Variants in SASH1 observed in about 807,000 individuals in gnomAD.
The protein encoded by SASH1 is SAM and SH3 domain containing 1, also known as SAM and SH3 domain-containing protein 1.
Under a neutral mutation model 125.2 loss-of-function variants are expected in SASH1, and 44 were observed. The observed-to-expected ratio is 0.35, with a 90% CI of 0.28 to 0.45. The LOEUF is 0.45. Ranked by LOEUF, SASH1 falls within the 20% of genes least tolerant of loss-of-function variation. SASH1 has a pLI of 1.00. For synonymous variants in SASH1, 639 were observed against 649.1 expected, an observed-to-expected ratio of 0.98 and a Z score of 0.24; for missense variants, 1,426 against 1,614.5, an observed-to-expected ratio of 0.88 and a Z score of 2.00.
the SASH1 span, among the ~76,000 whole-genome samples, chr6:148,260,654 C>A: frequency 6.6e-6 from 1 of 150,396 alleles, no homozygotes; most frequent in Non-Finnish European, 1.5e-5. Context: ...TAAATTATCA[C>A]GTAAATAATC....
the SASH1 span, among the ~76,000 whole-genome samples, chr6:148,261,657 C>T: frequency 1.3e-5 from 2 of 152,264 alleles, no homozygotes; most frequent in South Asian, 2.1e-4. Flanking sequence ...GCCACCAGCC[C>T]ATATCTTTGG....
chr6:148,531,712 CAT>C, intron 13 of SASH1, 51 bp downstream of exon 13: 1 of 1,407,064 alleles, frequency 7.1e-7, no homozygotes, highest in Non-Finnish European at 9.4e-7. Flanking sequence ...TAATATCTGA[CAT>C]ATACTGAGCA....
chr6:148,490,204 A>C (rs1244504322), intron 8 of SASH1, among the ~76,000 whole-genome samples: 17 of 151,726 alleles, frequency 1.1e-4, no homozygotes, highest in Admixed American at 1.1e-3. Context: ...AAGGCTCCAG[A>C]ATTTCATATA....
the SASH1 span, among the ~76,000 whole-genome samples, chr6:148,220,798 C>G: frequency 6.6e-6 from 1 of 152,176 alleles, no homozygotes; most frequent in East Asian, 1.9e-4. Flanking sequence ...CCTGTAGTCC[C>G]AGCTACTCTG....
rs1435663523 is a variant in SASH1 at position 148,550,754 on chromosome 6, GCTT to G, written c.*2202_*2204del. The G allele has an allele frequency of 2.0e-5, 3 of 152,300 alleles. No individual in the cohort carries two copies. Among genetic ancestry groups the G allele is most frequent in the South Asian group, 2.1e-4 (1 of 4,828 alleles). 9.4% of individuals were successfully genotyped at this position (152,300 alleles called of 1,614,324 possible). ...TGGTGGATGTGGGTGCTGTAGACAG[GCTT>G]CTTCTCTTCCTGCTCTCAAAATACC... is the stretch of plus-strand genomic sequence containing the variant. On this transcript the variant is annotated 3_prime_UTR_variant, in exon 20 of 20. Coordinates refer to ENST00000367467, the MANE Select transcript of SASH1 (RefSeq NM_015278.5).
In SASH1 at chr6:148,476,274, C is replaced by CAAA. The variant is rs35854127; in HGVS notation, c.627+2069_627+2071dup. On this transcript the variant is annotated intron_variant, in intron 7 of 19. Transcript: ENST00000367467. Reference sequence around the variant, plus strand: ...AAACATTGATGCAAGAAAAGGACACCAAAAAAAAAAAAAAAAAAAGGAAAG... The same window carrying CAAA: ...AAACATTGATGCAAGAAAAGGACACCAAAAAAAAAAAAAAAAAAAAAAGGAAAG... Among the ~76,000 whole-genome samples, 412 of 88,072 alleles carry CAAA rather than the reference C, an allele frequency of 4.7e-3. 3 individuals are homozygous for CAAA. The highest frequency in any genetic ancestry group is 0.021 in the East Asian group (70 of 3,286). The allele number at this position is 88,072 out of a possible 152,430, so 57.8% of individuals were successfully genotyped here.
At chr6:148,463,870 G>C (rs932951135) in intron 4 of SASH1, among the ~76,000 whole-genome samples, 1 of 152,132 alleles carries the variant, frequency 6.6e-6, no homozygotes, top group African/African-American at 2.4e-5. Context: ...AGCCTTCTCT[G>C]TCCCATCACC....
intron 1 of SASH1, among the ~76,000 whole-genome samples, chr6:148,367,455 G>T (rs773664728): frequency 3.9e-5 from 6 of 152,144 alleles, no homozygotes; most frequent in Non-Finnish European, 7.3e-5. Flanking sequence ...GAGGCCCTGC[G>T]CAGGTCTGCA....
chr6:148,547,522 A>G (rs1782641934), intron 19 of SASH1, among the ~76,000 whole-genome samples: 1 of 152,246 alleles, frequency 6.6e-6, no homozygotes, highest in South Asian at 2.1e-4. Context: ...CTAGTAGGTC[A>G]GTGTACTCTA....
chr6:148,518,477 C>G (rs75414505), intron 9 of SASH1, among the ~76,000 whole-genome samples: 1 of 152,162 alleles, frequency 6.6e-6, no homozygotes, highest in South Asian at 2.1e-4. Context: ...TTCTTTTCCC[C>G]TCTGAGTTTT....
chr6:148,493,067 C>T (rs1312538207), intron 8 of SASH1, among the ~76,000 whole-genome samples: 1 of 152,160 alleles, frequency 6.6e-6, no homozygotes, highest in East Asian at 1.9e-4. Context: ...AGAGTGACTT[C>T]TCTTTTGGCT....
At chr6:148,346,981 T>A (rs1781543566) in intron 1 of SASH1, among the ~76,000 whole-genome samples, 1 of 152,210 alleles carries the variant, frequency 6.6e-6, no homozygotes, top group Admixed American at 6.5e-5. Flanking sequence ...GTTAGAATCC[T>A]GTGGAATTTT....
intron 1 of SASH1, among the ~76,000 whole-genome samples, chr6:148,387,676 CTTTCT>C (rs1562371718): frequency 1.1e-5 from 1 of 91,892 alleles, no homozygotes; most frequent in Admixed American, 1.3e-4. Context: ...TTCTTTCTTT[CTTTCT>C]TTCTTTCTTT....
upstream of SASH1, among the ~76,000 whole-genome samples, chr6:148,341,513 G>C (rs904638438): frequency 6.6e-6 from 1 of 152,072 alleles, no homozygotes; most frequent in African/African-American, 2.4e-5. Flanking sequence ...TATAAATTTA[G>C]TTACTTTTGA....
At chr6:148,452,039 A>G (rs1777123581) in intron 4 of SASH1, among the ~76,000 whole-genome samples, 1 of 152,056 alleles carries the variant, frequency 6.6e-6, no homozygotes, top group African/African-American at 2.4e-5. Context: ...ACGGAGGTGG[A>G]TGTGTCCTTC....
chr6:148,240,366 A>G, the SASH1 span, among the ~76,000 whole-genome samples: 1 of 152,198 alleles, frequency 6.6e-6, no homozygotes, highest in African/African-American at 2.4e-5. Flanking sequence ...AATGAATATA[A>G]TCATCTTCCA....
At position 148,543,812 on chromosome 6, in the gene SASH1, G is replaced by A. The variant is rs1782371569; in HGVS notation, c.2342G>A (p.Gly781Glu). The A allele has an allele frequency of 1.2e-6, 2 of 1,614,178 alleles. No individual in the cohort carries two copies. Among genetic ancestry groups the A allele is most frequent in the Non-Finnish European group, 1.7e-6 (2 of 1,180,016 alleles). ...AAATCAGGGGATGCACTGAAGCAGG[G>A]ACAGGAGGAGGGCAGGCTGGGTGGT... ...LMKSGDALKQ[G>E]QEEGRLGGGL... The change falls in exon 18 of 20, where the codon GGA (glycine) becomes GAA (glutamate). Residue 781 changes from glycine (G) to glutamate (E), a missense_variant. Gly to Glu is a moderately conservative substitution (Grantham distance 98). Coordinates refer to ENST00000367467, the MANE Select transcript of SASH1 (RefSeq NM_015278.5).
chr6:148,394,411 A>G (rs1783860910), intron 2 of SASH1, among the ~76,000 whole-genome samples: 1 of 152,200 alleles, frequency 6.6e-6, no homozygotes, highest in Admixed American at 6.5e-5. Flanking sequence ...AGTGCTTAAC[A>G]GTTTTGATTC....
chr6:148,449,683 A>G (rs4897013), intron 4 of SASH1, among the ~76,000 whole-genome samples: 135,880 of 152,252 alleles, frequency 0.89, 60,928 homozygotes, highest in African/African-American at 0.97. Context: ...CACTGCGCCC[A>G]GTCGGAGACT....
Sources: allele counts gnomAD v4.1 joint callset (sites outside exome capture counted in the v4.1 genomes callset), GRCh38; gene constraint gnomAD v4.1.1; transcripts MANE v1.5; gene names NCBI Gene and HGNC (gene_info 2026-07-23, HGNC 2026-07-21).